Variants in UNC5B observed in about 807,000 individuals in gnomAD.
UNC5B encodes unc-5 netrin receptor B.
UNC5B carries 56 observed loss-of-function variants against 103.7 expected under a neutral mutation model. The ratio of observed to expected loss-of-function variants is 0.54; its 90% confidence interval spans 0.44 to 0.67. UNC5B has a LOEUF of 0.67. Among genes scored for constraint, UNC5B ranks in the 30% least tolerant of loss-of-function variants. The pLI is 0.00. For synonymous variants in UNC5B, 577 were observed against 542.0 expected, an observed-to-expected ratio of 1.06 and a Z score of -0.90; for missense variants, 1,194 against 1,284.5, an observed-to-expected ratio of 0.93 and a Z score of 1.08.
chr10:71,212,978 G>T lies in UNC5B; in HGVS notation c.-8G>T. 7.3e-7 allele frequency: 1 copy of T among 1,364,952 alleles called. No homozygotes were observed. 84.6% of individuals were successfully genotyped at this position (1,364,952 alleles called of 1,614,324 possible). On this transcript the variant is annotated 5_prime_UTR_variant, in exon 1 of 17. Coordinates refer to ENST00000335350, the MANE Select transcript of UNC5B (RefSeq NM_170744.5). The stretch of plus-strand genomic sequence containing the variant: ...GGGGGAGAGGCGCCCGAACCAGGCC[G>T]CGGGAGCATGGGGGCCCGGAGCGGA...
intron 6 of UNC5B, 104 bp from the exon 7 acceptor site, chr10:71,288,464 G>T: frequency 1.4e-6 from 2 of 1,478,810 alleles, no homozygotes; most frequent in South Asian, 2.7e-5. Context: ...CTTCCATGGT[G>T]TGTATGCATG....
At chr10:71,273,632 G>A (rs1284492609) in intron 1 of UNC5B, among the ~76,000 whole-genome samples, 2 of 152,216 alleles carry the variant, frequency 1.3e-5, no homozygotes, top group Non-Finnish European at 2.9e-5. Context: ...TCCACAGCAG[G>A]CACTGCACAG....
intron 14 of UNC5B, among the ~76,000 whole-genome samples, chr10:71,296,207 G>A (rs1845407494): frequency 6.6e-6 from 1 of 152,136 alleles, no homozygotes; most frequent in Non-Finnish European, 1.5e-5. Context: ...ACGCACAGAC[G>A]ACTATGCCCT....
At chr10:71,255,457 G>T (rs1419246089) in intron 1 of UNC5B, among the ~76,000 whole-genome samples, 1 of 152,102 alleles carries the variant, frequency 6.6e-6, no homozygotes, top group Non-Finnish European at 1.5e-5. Flanking sequence ...AAATGTCACC[G>T]GCTGTCACTG....
Position 71,246,782 on chromosome 10 carries a change from G to A in UNC5B, c.80-33039G>A, listed in dbSNP as rs930101809. Among the ~76,000 whole-genome samples the A allele has an allele frequency of 5.9e-5, 9 of 152,330 alleles. No homozygotes were observed. The South Asian group carries it at 1.0e-3, about 18-fold the overall frequency. On this transcript the variant is annotated intron_variant, in intron 1 of 16. Coordinates refer to ENST00000335350, the MANE Select transcript of UNC5B (RefSeq NM_170744.5). ...AGGAGATAAAGCTGAGACTATATTCGTAGTGTCAATAAGACTAAGACCCAG... is the reference window on the plus strand; with the variant it reads ...AGGAGATAAAGCTGAGACTATATTCATAGTGTCAATAAGACTAAGACCCAG...
intron 1 of UNC5B, among the ~76,000 whole-genome samples, chr10:71,224,413 A>G (rs999580110): frequency 2.7e-5 from 4 of 150,228 alleles, no homozygotes; most frequent in African/African-American, 4.9e-5. Flanking sequence ...ACACACACAC[A>G]CACGAAATGA....
chr10:71,236,746 C>T (rs1404037782), intron 1 of UNC5B, among the ~76,000 whole-genome samples: 1 of 152,224 alleles, frequency 6.6e-6, no homozygotes, highest in East Asian at 1.9e-4. Context: ...TGCTCTGCTT[C>T]TCCTCTGGGA....
At position 71,298,239 on chromosome 10, in the gene UNC5B, T is replaced by C. The variant is rs188152036; in HGVS notation, c.2672+149T>C. 1.6e-5 allele frequency: 14 copies of C among 873,436 alleles called. No homozygotes were observed. The East Asian group carries it at 2.4e-4, about 15-fold the overall frequency. The allele number at this position is 873,436 out of a possible 1,614,324, so 54.1% of individuals were successfully genotyped here. ...TTTGTGGCAAATCAGCAACTCAGGA[T>C]TGGATATGCAAAGTTCAAGAATACT... On this transcript the variant is annotated intron_variant, in intron 16 of 16. Coordinates refer to ENST00000335350, the MANE Select transcript of UNC5B (RefSeq NM_170744.5).
chr10:71,248,905 A>T (rs1006257708), intron 1 of UNC5B, among the ~76,000 whole-genome samples: 1 of 151,338 alleles, frequency 6.6e-6, no homozygotes, highest in Admixed American at 6.6e-5. Flanking sequence ...ACACTCATAG[A>T]TGTAAAACAC....
chr10:71,267,634 A>T (rs111693285), intron 1 of UNC5B, among the ~76,000 whole-genome samples: 30 of 152,374 alleles, frequency 2.0e-4, no homozygotes, highest in African/African-American at 5.5e-4. Context: ...GCCTCACCAC[A>T]GGCATGGTCA....
At position 71,298,547 on chromosome 10, in the gene UNC5B, A is replaced by C. The variant is rs180672349; in HGVS notation, c.2672+457A>C. ...GCTGGATAAGTGCTGGATAAATATAAGGCCAATGATAATAAATATTATACT... is the reference window on the plus strand; with the variant it reads ...GCTGGATAAGTGCTGGATAAATATACGGCCAATGATAATAAATATTATACT... On this transcript the variant is annotated intron_variant, in intron 16 of 16. Coordinates refer to ENST00000335350, the MANE Select transcript of UNC5B (RefSeq NM_170744.5). Among the ~76,000 whole-genome samples the C allele has an allele frequency of 2.6e-5, 4 of 152,316 alleles. No homozygotes were observed. In the East Asian group the frequency reaches 7.7e-4, roughly 29 times the overall value.
At chr10:71,259,424 A>T (rs1234790539) in intron 1 of UNC5B, among the ~76,000 whole-genome samples, 1 of 151,722 alleles carries the variant, frequency 6.6e-6, no homozygotes, top group Non-Finnish European at 1.5e-5. Context: ...AATAATAATG[A>T]CTAATCTTGG....
At chr10:71,244,391 G>A (rs535650205) in intron 1 of UNC5B, among the ~76,000 whole-genome samples, 4 of 152,234 alleles carry the variant, frequency 2.6e-5, no homozygotes, top group Non-Finnish European at 4.4e-5. Context: ...AATCTCCTAA[G>A]ATGACACCTA....
chr10:71,299,016 C>T, intron 16 of UNC5B, 96 bp from the exon 17 acceptor site: 2 of 1,517,906 alleles, frequency 1.3e-6, no homozygotes, highest in Non-Finnish European at 1.8e-6. Flanking sequence ...CACCAAAGCT[C>T]ACAGCCTTCC....
chr10:71,213,015 G>C lies in UNC5B; in HGVS notation c.30G>C (p.Ala10=). ...GGGCCCGGAGCGGAGCTCGGGGCGC[G>C]CTGCTGCTGGCACTGCTGCTCTGCT... MGARSGARG[A]LLLALLLCWD... Residue 10 remains alanine (A), a synonymous_variant, in exon 1 of 17, where the codon GCG becomes GCC. Coordinates refer to ENST00000335350, the MANE Select transcript of UNC5B (RefSeq NM_170744.5). The surrounding 1 kb of genome is among the most constrained non-coding windows in gnomAD (Gnocchi z 4.1). The C allele has an allele frequency of 7.1e-7, 1 of 1,414,926 alleles. No individual in the cohort carries two copies. The highest frequency in any genetic ancestry group is 1.6e-5 in the South Asian group (1 of 61,408). 87.6% of individuals were successfully genotyped at this position (1,414,926 alleles called of 1,614,324 possible).
chr10:71,241,248 A>G (rs1381090711), intron 1 of UNC5B, among the ~76,000 whole-genome samples: 1 of 152,126 alleles, frequency 6.6e-6, no homozygotes, highest in Non-Finnish European at 1.5e-5. Context: ...CTTTAGCTAG[A>G]GGAGAGGTTG....
intron 2 of UNC5B, 128 bp downstream of exon 2, chr10:71,280,173 C>A: frequency 9.6e-7 from 1 of 1,039,376 alleles, no homozygotes; most frequent in Non-Finnish European, 1.4e-6. Flanking sequence ...GTGCTGGCCA[C>A]ATGTCCCAGC....
chr10:71,246,444 G>A (rs1193019902), intron 1 of UNC5B, among the ~76,000 whole-genome samples: 2 of 152,082 alleles, frequency 1.3e-5, no homozygotes, highest in Non-Finnish European at 2.9e-5. Context: ...GCTGAATCAG[G>A]GAAGCACCCT....
At chr10:71,261,665 G>A (rs1589174057) in intron 1 of UNC5B, among the ~76,000 whole-genome samples, 1 of 152,168 alleles carries the variant, frequency 6.6e-6, no homozygotes, top group East Asian at 1.9e-4. Flanking sequence ...CTTGTGCCCA[G>A]TGCAGTGAGG....
Sources: allele counts gnomAD v4.1 joint callset (sites outside exome capture counted in the v4.1 genomes callset), GRCh38; gene constraint gnomAD v4.1.1; non-coding constraint Gnocchi (gnomAD v3.1); transcripts MANE v1.5; gene names NCBI Gene and HGNC (gene_info 2026-07-23, HGNC 2026-07-21).